The following FHOD3 variants were observed in gnomAD, a reference collection of about 807,000 sequenced individuals.
FHOD3 encodes the protein formin homology 2 domain containing 3, also known as FH1/FH2 domain-containing protein 3.
Under a neutral mutation model 173.0 loss-of-function variants are expected in FHOD3, and 90 were observed. The ratio of observed to expected loss-of-function variants is 0.52; its 90% CI spans 0.44 to 0.62. FHOD3 has a LOEUF of 0.62. Among genes scored for constraint, FHOD3 ranks in the 20% least tolerant of loss-of-function variants. The pLI, the probability that FHOD3 is intolerant of heterozygous loss-of-function variation, is 0.00. For synonymous variants in FHOD3, 828 were observed against 823.0 expected, an observed-to-expected ratio of 1.01 and a Z score of -0.10; for missense variants, 1,945 against 2,034.7, an observed-to-expected ratio of 0.96 and a Z score of 0.85.
intron 3 of FHOD3, among the ~76,000 whole-genome samples, chr18:36,452,616 C>G (rs1442407569): frequency 6.6e-6 from 1 of 151,814 alleles, no homozygotes; most frequent in Non-Finnish European, 1.5e-5. Context: ...GCCTTCCAGC[C>G]CCTGGCAGCC....
intron 3 of FHOD3, among the ~76,000 whole-genome samples, chr18:36,462,836 C>A (rs1012831299): frequency 6.6e-6 from 1 of 152,112 alleles, no homozygotes; most frequent in Non-Finnish European, 1.5e-5. Flanking sequence ...TATATTGCCC[C>A]GATTAATCTT....
chr18:36,705,014 C>T (rs1203969587), intron 17 of FHOD3, among the ~76,000 whole-genome samples: 8 of 151,918 alleles, frequency 5.3e-5, no homozygotes, highest in African/African-American at 9.7e-5. Flanking sequence ...AGGTTTGCTT[C>T]GTGGACTCTT....
chr18:36,687,885 A>G (rs1320753437), intron 16 of FHOD3, among the ~76,000 whole-genome samples: 2 of 152,210 alleles, frequency 1.3e-5, no homozygotes, highest in Non-Finnish European at 2.9e-5. Flanking sequence ...GCATGAATAC[A>G]TTTTTAAATT....
chr18:36,421,901 CCTCT>C (rs2050004995), intron 3 of FHOD3, among the ~76,000 whole-genome samples: 1 of 152,134 alleles, frequency 6.6e-6, no homozygotes, highest in Admixed American at 6.5e-5. Context: ...ACCCCAAAGC[CCTCT>C]CTCCTGGACT....
chr18:36,338,047 C>G (rs772330161), intron 1 of FHOD3, among the ~76,000 whole-genome samples: 2 of 152,160 alleles, frequency 1.3e-5, no homozygotes, highest in Admixed American at 1.3e-4. Flanking sequence ...TAATGAATTA[C>G]TAAGGGAACG....
chr18:36,322,778 C>CTTTGT (rs2044466145), intron 1 of FHOD3, among the ~76,000 whole-genome samples: 1 of 152,176 alleles, frequency 6.6e-6, no homozygotes, highest in Non-Finnish European at 1.5e-5. Context: ...TGCTTGCTGG[C>CTTTGT]TTTGTCATCC....
At chr18:36,467,119 C>T (rs2052990717) in intron 3 of FHOD3, among the ~76,000 whole-genome samples, 1 of 152,160 alleles carries the variant, frequency 6.6e-6, no homozygotes, top group Non-Finnish European at 1.5e-5. Context: ...CAGCTCTTTA[C>T]AGCAGGTGGA....
chr18:36,319,233 C>T (rs570941640), intron 1 of FHOD3, among the ~76,000 whole-genome samples: 13 of 152,028 alleles, frequency 8.6e-5, no homozygotes, highest in Middle Eastern at 6.8e-3. Flanking sequence ...ACCCATCTCA[C>T]GTGAAAAGAC....
intron 18 of FHOD3, among the ~76,000 whole-genome samples, chr18:36,712,199 C>T (rs2040205862): frequency 6.6e-6 from 1 of 152,134 alleles, no homozygotes; most frequent in South Asian, 2.1e-4. Context: ...ATAAAATGTC[C>T]AAGACATAAT....
intron 4 of FHOD3, among the ~76,000 whole-genome samples, chr18:36,508,660 AAAC>A (rs1272967162): frequency 5.9e-5 from 9 of 151,730 alleles, no homozygotes; most frequent in African/African-American, 4.9e-5. Context: ...AAAAAAAAAA[AAAC>A]AGGTGAAAGA....
chr18:36,372,622 A>C, intron 2 of FHOD3, 58 bp from the exon 3 acceptor site: 1 of 1,458,310 alleles, frequency 6.9e-7, no homozygotes, highest in Non-Finnish European at 9.6e-7. Context: ...GATTGACAGC[A>C]TGTGAGGTGT....
intron 5 of FHOD3, among the ~76,000 whole-genome samples, chr18:36,544,951 T>A (rs778902017): frequency 2.1e-4 from 32 of 152,224 alleles, no homozygotes; most frequent in Non-Finnish European, 4.1e-4. Flanking sequence ...AAATTAAATA[T>A]TTTGCCACTA....
In FHOD3 at chr18:36,372,715, A is replaced by G. The variant is rs2047253940; in HGVS notation, c.308A>G (p.Gln103Arg). The part of the protein sequence containing the change: ...GKKHSIILRT[Q>R]LSVRVHACIE... ...AAGCACAGCATCATCCTAAGGACGC[A>G]GCTGTCTGTGAGGGTCCATGCCTGC... Residue 103 changes from glutamine to arginine, a missense_variant, in exon 3 of 29, where the codon CAG becomes CGG. Physicochemically the swap from Gln to Arg is conservative, Grantham distance 43. Coordinates refer to ENST00000590592, the MANE Select transcript of FHOD3 (RefSeq NM_001281740.3). The G allele has an allele frequency of 1.2e-6, 2 of 1,614,062 alleles. No individual in the cohort carries two copies. The highest frequency in any genetic ancestry group is 1.7e-6 in the Non-Finnish European group (2 of 1,179,974).
chr18:36,407,832 C>T (rs2049144245), intron 3 of FHOD3, among the ~76,000 whole-genome samples: 1 of 152,124 alleles, frequency 6.6e-6, no homozygotes, highest in South Asian at 2.1e-4. Context: ...CCTCAGTGTC[C>T]TCATCTGAAA....
intron 18 of FHOD3, among the ~76,000 whole-genome samples, chr18:36,715,543 C>CATT (rs749365555): frequency 1.8e-4 from 27 of 152,188 alleles, no homozygotes; most frequent in African/African-American, 6.5e-4. Flanking sequence ...CCTGATCATT[C>CATT]CTTCATTCAT....
chr18:36,410,338 C>G (rs2146873500), intron 3 of FHOD3, among the ~76,000 whole-genome samples: 1 of 152,310 alleles, frequency 6.6e-6, no homozygotes, highest in South Asian at 2.1e-4. Context: ...TTCATTGGTA[C>G]TCCATTCCTT....
chr18:36,529,852 G>A (rs370257541), intron 5 of FHOD3, among the ~76,000 whole-genome samples: 1 of 152,116 alleles, frequency 6.6e-6, no homozygotes. Flanking sequence ...CCTTGAAAAG[G>A]CCACTTAATT....
chr18:36,725,875 CTAT>C, intron 19 of FHOD3, among the ~76,000 whole-genome samples: 1 of 152,040 alleles, frequency 6.6e-6, no homozygotes, highest in Non-Finnish European at 1.5e-5. Context: ...TTTTTCTGTA[CTAT>C]TATTCTATTC....
At chr18:36,458,371 A>G (rs1267277642) in intron 3 of FHOD3, among the ~76,000 whole-genome samples, 1 of 152,188 alleles carries the variant, frequency 6.6e-6, no homozygotes, top group Non-Finnish European at 1.5e-5. Flanking sequence ...GGAGTAACAG[A>G]AAAGAGATCC....
Sources: allele counts gnomAD v4.1 joint callset (sites outside exome capture counted in the v4.1 genomes callset), GRCh38; gene constraint gnomAD v4.1.1; transcripts MANE v1.5; gene names NCBI Gene and HGNC (gene_info 2026-07-23, HGNC 2026-07-21).